The following EIF4G3 variants were observed in gnomAD, a reference collection of about 807,000 sequenced individuals.
EIF4G3 encodes the protein eukaryotic translation initiation factor 4 gamma 3.
EIF4G3 carries 34 observed loss-of-function variants against 186.4 expected under a neutral mutation model. That is an observed-to-expected ratio of 0.18 (90% CI 0.14 to 0.24). The LOEUF (loss-of-function observed/expected upper bound fraction) is 0.24. Ranked by LOEUF, EIF4G3 falls within the 10% of genes least tolerant of loss-of-function variation. The pLI, the probability that EIF4G3 is intolerant of heterozygous loss-of-function variation, is 1.00. For synonymous variants in EIF4G3, 673 were observed against 679.5 expected, an observed-to-expected ratio of 0.99 and a Z score of 0.15; for missense variants, 1,536 against 1,948.5, an observed-to-expected ratio of 0.79 and a Z score of 3.99.
chr1:21,005,662 G>A (rs1017129024), intron 4 of EIF4G3, among the ~76,000 whole-genome samples: 1 of 152,102 alleles, frequency 6.6e-6, no homozygotes, highest in Non-Finnish European at 1.5e-5. Context: ...TGCAATATGT[G>A]AATTGGCATT....
intron 14 of EIF4G3, among the ~76,000 whole-genome samples, chr1:20,915,836 A>G (rs1156285848): frequency 5.3e-5 from 8 of 152,196 alleles, no homozygotes; most frequent in African/African-American, 1.9e-4. Flanking sequence ...CTTCTATTCA[A>G]CATTGTATTG....
chr1:20,984,557 TATACACACACACACACACACACACAC>T (rs2079013388), intron 7 of EIF4G3, among the ~76,000 whole-genome samples: 1 of 97,694 alleles, frequency 1.0e-5, no homozygotes, highest in Non-Finnish European at 2.2e-5. Context: ...TATATATATA[TATACACACACACACACACACACACAC>T]ATATATACAC....
At chr1:21,040,892 GT>G (rs1340927546) in intron 4 of EIF4G3, among the ~76,000 whole-genome samples, 1 of 152,036 alleles carries the variant, frequency 6.6e-6, no homozygotes, top group Non-Finnish European at 1.5e-5. Context: ...ACTGCTGAGT[GT>G]TCAAACAAGG....
intron 2 of EIF4G3, among the ~76,000 whole-genome samples, chr1:21,116,771 G>T (rs554917552): frequency 6.6e-6 from 1 of 151,088 alleles, no homozygotes; most frequent in Non-Finnish European, 1.5e-5. Flanking sequence ...CCCAGGAGGC[G>T]GATGTTGCAG....
At chr1:20,883,829 GA>G in intron 19 of EIF4G3, among the ~76,000 whole-genome samples, 1 of 152,152 alleles carries the variant, frequency 6.6e-6, no homozygotes, top group Admixed American at 6.5e-5. Context: ...GGCTGTGAGT[GA>G]AAATGACATA....
intron 13 of EIF4G3, among the ~76,000 whole-genome samples, chr1:20,949,687 T>A (rs1444643323): frequency 6.6e-6 from 1 of 152,192 alleles, no homozygotes; most frequent in Admixed American, 6.5e-5. Context: ...ATTGTTCTTG[T>A]AAAGTAATAT....
chr1:20,887,824 G>C (rs2084723810), intron 18 of EIF4G3, among the ~76,000 whole-genome samples: 1 of 152,102 alleles, frequency 6.6e-6, no homozygotes, highest in Non-Finnish European at 1.5e-5. Flanking sequence ...TAGTAGCCCA[G>C]AAGAAACAAT....
intron 2 of EIF4G3, among the ~76,000 whole-genome samples, chr1:21,147,676 G>A (rs2097472678): frequency 6.6e-6 from 1 of 152,016 alleles, no homozygotes; most frequent in South Asian, 2.1e-4. Context: ...AAATACATGA[G>A]CCTAGGACAT....
At chr1:21,022,082 C>G (rs2090859258) in intron 4 of EIF4G3, among the ~76,000 whole-genome samples, 1 of 152,118 alleles carries the variant, frequency 6.6e-6, no homozygotes, top group Non-Finnish European at 1.5e-5. Context: ...TGGCACTAAG[C>G]ACCGAAAATG....
At chr1:21,022,735 A>T (rs571906202) in intron 4 of EIF4G3, among the ~76,000 whole-genome samples, 6 of 152,358 alleles carry the variant, frequency 3.9e-5, no homozygotes, top group African/African-American at 1.2e-4. Context: ...GGCATGCGTC[A>T]TCACAATTAA....
At chr1:20,908,032 T>A (rs1364457124) in intron 14 of EIF4G3, among the ~76,000 whole-genome samples, 2 of 152,036 alleles carry the variant, frequency 1.3e-5, no homozygotes, top group African/African-American at 4.8e-5. Context: ...TGTTCCTATT[T>A]CTCCACATCC....
At chr1:20,931,883 C>T (rs962846375) in intron 14 of EIF4G3, among the ~76,000 whole-genome samples, 2 of 151,300 alleles carry the variant, frequency 1.3e-5, no homozygotes, top group Admixed American at 6.6e-5. Flanking sequence ...CAAGATGGTG[C>T]CACTGCACTC....
chr1:21,010,869 T>C (rs1217669413), intron 4 of EIF4G3, among the ~76,000 whole-genome samples: 1 of 152,212 alleles, frequency 6.6e-6, no homozygotes, highest in African/African-American at 2.4e-5. Context: ...GTCTTAAGCA[T>C]AGCACTTGTT....
intron 2 of EIF4G3, among the ~76,000 whole-genome samples, chr1:21,105,886 G>T (rs947435542): frequency 6.6e-6 from 1 of 152,202 alleles, no homozygotes; most frequent in Non-Finnish European, 1.5e-5. Flanking sequence ...AACTTGTCAA[G>T]AACTCATCTC....
At chr1:21,133,197 T>C (rs2097184778) in intron 2 of EIF4G3, among the ~76,000 whole-genome samples, 1 of 152,176 alleles carries the variant, frequency 6.6e-6, no homozygotes, top group Admixed American at 6.5e-5. Flanking sequence ...CAGATAGGGC[T>C]GGGTTCAAGC....
intron 11 of EIF4G3, 37 bp downstream of exon 11, chr1:20,972,965 A>G (rs768471904): frequency 6.7e-7 from 1 of 1,499,544 alleles, no homozygotes; most frequent in East Asian, 2.4e-5. Flanking sequence ...AATAGATTTT[A>G]GATTTAAAAT....
intron 2 of EIF4G3, among the ~76,000 whole-genome samples, chr1:21,139,723 C>T (rs1032604115): frequency 6.6e-6 from 1 of 152,114 alleles, no homozygotes; most frequent in African/African-American, 2.4e-5. Context: ...ATGGGTTTCA[C>T]TATGTTGCCA....
In EIF4G3 at chr1:21,093,794, G is replaced by A. The variant is rs558185460; in HGVS notation, c.-271-4581C>T. On this transcript the variant is annotated intron_variant, in intron 2 of 36. Coordinates refer to ENST00000602326, the MANE Select transcript of EIF4G3 (RefSeq NM_001391906.1). ...CAGCCATAAAAAAGGATGAGTTCAT[G>A]TCCTTTGTAGGGACATGGATGAAGC... Among the ~76,000 whole-genome samples, 595 of 152,258 alleles carry A rather than the reference G, an allele frequency of 3.9e-3. 6 individuals are homozygous for A. Among genetic ancestry groups the A allele is most frequent in the Non-Finnish European group, 7.3e-3 (494 of 68,008 alleles).
intron 2 of EIF4G3, among the ~76,000 whole-genome samples, chr1:21,158,193 T>G (rs1453756161): frequency 1.4e-5 from 2 of 146,266 alleles, no homozygotes; most frequent in African/African-American, 5.1e-5. Flanking sequence ...TTTTTTTTTT[T>G]GAGGCAAGAT....
Sources: gnomAD v4.1 joint callset for allele counts (sites outside exome capture counted in the v4.1 genomes callset) on GRCh38, gnomAD v4.1.1 for gene constraint, MANE v1.5 for transcripts, NCBI Gene and HGNC (gene_info 2026-07-23, HGNC 2026-07-21) for gene names.